Variants in RIF1 observed in about 807,000 individuals in gnomAD.
The protein encoded by RIF1 is replication timing regulatory factor 1.
Under a neutral mutation model 247.1 loss-of-function variants are expected in RIF1, and 45 were observed. The observed-to-expected ratio is 0.18, with a 90% CI of 0.14 to 0.23. The LOEUF (loss-of-function observed/expected upper bound fraction) is 0.23, where lower values mean the gene tolerates loss of function less well. RIF1 is among the 10% of genes least tolerant of loss of function. The pLI is 1.00. For synonymous variants in RIF1, 1,087 were observed against 978.8 expected, an observed-to-expected ratio of 1.11 and a Z score of -2.06; for missense variants, 2,967 against 2,862.5, an observed-to-expected ratio of 1.04 and a Z score of -0.83.
intron 9 of RIF1, among the ~76,000 whole-genome samples, chr2:151,488,195 T>G (rs1014149525): frequency 6.6e-6 from 1 of 152,136 alleles, no homozygotes; most frequent in African/African-American, 2.4e-5. Context: ...TTTTCAATAT[T>G]AATATTTTTG....
intron 10 of RIF1, chr2:151,497,943 T>TGTTA (rs1441666980): frequency 2.8e-6 from 4 of 1,445,646 alleles, no homozygotes; most frequent in Non-Finnish European, 2.7e-6. Context: ...GAGTTATCCA[T>TGTTA]GTTATTTTTT....
intron 9 of RIF1, chr2:151,493,083 T>C (rs1002132240): frequency 1.9e-5 from 7 of 371,728 alleles, no homozygotes; most frequent in African/African-American, 4.2e-5. Context: ...CCTCAAAGTA[T>C]AGGGGAAGGA....
chr2:151,425,581 C>T (rs1688907593), intron 8 of RIF1, among the ~76,000 whole-genome samples: 1 of 150,292 alleles, frequency 6.7e-6, no homozygotes. Flanking sequence ...AGTCCACGTT[C>T]ATCCTTTTGC....
intron 8 of RIF1, 157 bp downstream of exon 8, chr2:151,423,199 C>G: frequency 1.7e-6 from 1 of 572,394 alleles, no homozygotes. Context: ...AAATCTGAAA[C>G]CAGTACTTGC....
rs775890407 is a variant in RIF1 at position 151,465,792 on chromosome 2, A to G, written c.6272A>G (p.Tyr2091Cys). 1 of 1,612,956 alleles carries G rather than the reference A, an allele frequency of 6.2e-7. No homozygotes were observed. Among genetic ancestry groups the G allele is most frequent in the East Asian group, 2.2e-5 (1 of 44,902 alleles). The change falls in exon 30 of 36, where the codon TAT becomes TGT. Residue 2091 changes from tyrosine (Y) to cysteine (C), a missense_variant. Transcript: ENST00000444746. ...DANKTETNTE[Y>C]SKSEEKLDNN... ...AATAAAACTGAAACAAATACTGAGT[A>G]TAGTAAATCTGAAGAAAAATTAGAT... is the stretch of plus-strand genomic sequence containing the variant.
intron 21 of RIF1, among the ~76,000 whole-genome samples, chr2:151,453,811 A>T (rs1189251065): frequency 3.3e-5 from 5 of 152,168 alleles, no homozygotes; most frequent in African/African-American, 4.8e-5. Flanking sequence ...TTAATTACTA[A>T]ATACTTACTG....
chr2:151,421,938 G>A (rs930089459), intron 7 of RIF1, among the ~76,000 whole-genome samples: 7 of 151,670 alleles, frequency 4.6e-5, no homozygotes, highest in African/African-American at 1.2e-4. Flanking sequence ...GGGTTCAAGC[G>A]ATTCTCCTGC....
intron 26 of RIF1, among the ~76,000 whole-genome samples, 180 bp downstream of exon 26, chr2:151,460,299 G>A (rs1401751214): frequency 6.6e-6 from 1 of 152,154 alleles, no homozygotes; most frequent in African/African-American, 2.4e-5. Flanking sequence ...GAAGCCTTGG[G>A]TGATGATTCC....
chr2:151,438,465 A>G (rs1324834248), intron 13 of RIF1, among the ~76,000 whole-genome samples: 1 of 152,182 alleles, frequency 6.6e-6, no homozygotes, highest in Non-Finnish European at 1.5e-5. Flanking sequence ...ACAGAGCAAG[A>G]CCCTGTCTGA....
chr2:151,497,831 T>C, intron 10 of RIF1: 1 of 1,525,510 alleles, frequency 6.6e-7, no homozygotes, highest in Non-Finnish European at 8.8e-7. Flanking sequence ...AGTTATATGC[T>C]GACAAAATGC....
rs1264114723 is a variant in RIF1 at position 151,443,578 on chromosome 2, A to G, written c.1855A>G (p.Thr619Ala). ...TGTAGGCTGTGTTCTTTCTGGTCCA[A>G]CTTCACCACTAGCTTTCAGTGACTC... is the stretch of plus-strand genomic sequence containing the variant. ...SLVGCVLSGP[T>A]SPLAFSDSVL... is the part of the protein sequence containing the mutation. The change falls in exon 18 of 36, where the codon ACT (threonine) becomes GCT (alanine). Residue 619 changes from threonine to alanine, a missense_variant. By Grantham distance (58) the Thr-to-Ala change is moderately conservative (BLOSUM62 0). Transcript: ENST00000444746. 16 of 1,611,084 alleles carry G rather than the reference A, an allele frequency of 9.9e-6. No individual in the cohort carries two copies. The highest frequency in any genetic ancestry group is 2.2e-5 in the East Asian group (1 of 44,764).
Position 151,468,502 on chromosome 2 carries a change from T to A in RIF1, c.6776T>A (p.Leu2259Gln). 3 of 1,613,726 alleles carry A rather than the reference T, an allele frequency of 1.9e-6. No homozygotes were observed. Among genetic ancestry groups the A allele is most frequent in the Middle Eastern group, 1.6e-4 (1 of 6,062 alleles). ...KHNTTSAKGF[L>Q]SPGSRSPKFK... ...AATACCACTTCAGCCAAAGGATTTC[T>A]GTCCCCAGGATCACGTAGCCCTAAA... is the stretch of plus-strand genomic sequence containing the variant. The change falls in exon 32 of 36, where the codon CTG (leucine) becomes CAG (glutamine). Residue 2259 changes from leucine (L) to glutamine (Q), a missense_variant. By Grantham distance (113) the Leu-to-Gln change is moderately radical. This residue lies in a region of RIF1 where 2,028 missense variants were observed against 1,825.6 expected (regional missense o/e 1.11). Transcript: ENST00000444746.
intron 33 of RIF1, among the ~76,000 whole-genome samples, chr2:151,469,160 T>A (rs1697413973): frequency 6.6e-6 from 1 of 152,190 alleles, no homozygotes; most frequent in Non-Finnish European, 1.5e-5. Flanking sequence ...CTGTTTTGTT[T>A]TGTTTCTAAT....
chr2:151,519,061 G>A, the RIF1 span: 1 of 1,605,300 alleles, frequency 6.2e-7, no homozygotes, highest in East Asian at 2.2e-5. Flanking sequence ...GGTCAGCCTT[G>A]TATTTAACCT....
In RIF1 at chr2:151,463,830, G is replaced by T. The variant is rs1174794242; in HGVS notation, c.4310G>T (p.Ser1437Ile). ...STTESQDKENSHQKKERRKEE... is the reference protein window; with the variant it reads ...STTESQDKENIHQKKERRKEE... Reference sequence around the variant, plus strand: ...ACTGAAAGCCAAGATAAGGAAAATAGTCATCAAAAAAAGGAACGACGTAAG... The same window carrying T: ...ACTGAAAGCCAAGATAAGGAAAATATTCATCAAAAAAAGGAACGACGTAAG... The change falls in exon 30 of 36, where the codon AGT (serine) becomes ATT (isoleucine). Residue 1437 changes from serine to isoleucine, a missense_variant. Physicochemically the swap from Ser to Ile is moderately radical, Grantham distance 142 (BLOSUM62 -2). Around this residue, in one of 7 missense-constraint regions of RIF1, gnomAD observed 2,028 missense variants for 1,825.6 expected, o/e 1.11. Coordinates refer to ENST00000444746, the MANE Select transcript of RIF1 (RefSeq NM_018151.5). 2.5e-6 allele frequency: 4 copies of T among 1,611,260 alleles called. No homozygotes were observed. The highest frequency in any genetic ancestry group is 1.7e-5 in the Admixed American group (1 of 59,296).
rs894162379 is a variant in RIF1 at position 151,479,697 on chromosome 2, A to T, written c.*4626A>T. On this transcript the variant is annotated 3_prime_UTR_variant, in exon 36 of 36. Coordinates refer to ENST00000444746, the MANE Select transcript of RIF1 (RefSeq NM_018151.5). ...GAAATTTGAAAGATGGAGTTGAATA[A>T]TATGATTCTCGAAAAGTGAGTTTTT... 9.2e-5 allele frequency: 14 copies of T among 152,192 alleles called. No homozygotes were observed. Among genetic ancestry groups the T allele is most frequent in the Admixed American group, 8.5e-4 (13 of 15,284 alleles). The allele number at this position is 152,192 out of a possible 1,614,324, so 9.4% of individuals were successfully genotyped here. A position where few individuals can be genotyped will look rare whatever the true frequency, so the allele number is the denominator to read the frequency against.
intron 12 of RIF1, among the ~76,000 whole-genome samples, chr2:151,503,901 G>A (rs1365248650): frequency 1.3e-5 from 2 of 152,066 alleles, no homozygotes; most frequent in Non-Finnish European, 2.9e-5. Flanking sequence ...GTTCCTCGCT[G>A]GCTCCTAATC....
intron 13 of RIF1, 93 bp from the exon 14 acceptor site, chr2:151,438,582 CAATTTATTT>C (rs1393351897): frequency 1.3e-6 from 1 of 747,438 alleles, no homozygotes; most frequent in Non-Finnish European, 2.4e-6. Flanking sequence ...AAGTATTGTT[CAATTTATTT>C]GTTTAATGTA....
chr2:151,484,570 T>C (rs982478295), downstream of RIF1, among the ~76,000 whole-genome samples: 4 of 152,228 alleles, frequency 2.6e-5, no homozygotes, highest in African/African-American at 9.6e-5. Flanking sequence ...CACTCCAGCC[T>C]GGGCAACAGA....
Sources: gnomAD v4.1 joint callset for allele counts (sites outside exome capture counted in the v4.1 genomes callset) on GRCh38, gnomAD v4.1.1 for gene constraint, gnomAD v4.1.1 regional missense constraint, MANE v1.5 for transcripts, NCBI Gene and HGNC (gene_info 2026-07-23, HGNC 2026-07-21) for gene names.